Variants in KIFC3 observed in about 807,000 individuals in gnomAD.
KIFC3 encodes the protein kinesin family member C3.
A neutral mutation model predicts 101.8 loss-of-function variants in KIFC3; 60 were observed. That is an observed-to-expected ratio of 0.59 (90% CI 0.48 to 0.73). The LOEUF is 0.73. Among genes scored for constraint, KIFC3 ranks in the 30% least tolerant of loss-of-function variants. KIFC3 has a pLI of 0.00. For missense variants in KIFC3, 966 were observed against 1,137.1 expected (o/e 0.85, Z 2.16); for synonymous variants, 476 against 482.7 (o/e 0.99, Z 0.18).
chr16:57,772,196 T>A (rs1270539704), intron 4 of KIFC3, 27 bp downstream of exon 4: 9 of 1,607,950 alleles, frequency 5.6e-6, no homozygotes, highest in Non-Finnish European at 7.6e-6. Context: ...GGCCCTGCGC[T>A]ACCCCAGGAC....
intron 1 of KIFC3, among the ~76,000 whole-genome samples, chr16:57,823,336 A>G (rs1399928181): frequency 1.3e-5 from 2 of 152,136 alleles, no homozygotes; most frequent in East Asian, 1.9e-4. Context: ...CGTAAATCTT[A>G]TATGTATGGA....
intron 1 of KIFC3, among the ~76,000 whole-genome samples, chr16:57,835,913 G>A (rs1881304798): frequency 1.3e-5 from 2 of 152,160 alleles, no homozygotes; most frequent in African/African-American, 4.8e-5. Context: ...TTGTGCCACT[G>A]CACTCTAGCC....
At chr16:57,764,632 C>T (rs534156255) in intron 11 of KIFC3, among the ~76,000 whole-genome samples, 3 of 152,320 alleles carry the variant, frequency 2.0e-5, no homozygotes, top group African/African-American at 7.2e-5. Context: ...CAGGAGGGCA[C>T]AGGCCTGGCA....
chr16:57,810,680 A>G, intron 1 of KIFC3: 1 of 985,518 alleles, frequency 1.0e-6, no homozygotes, highest in Non-Finnish European at 1.2e-6. Context: ...ATCTAATTCA[A>G]CTTCAGCAAT....
chr16:57,772,157 G>T, intron 4 of KIFC3, 66 bp downstream of exon 4: 1 of 1,418,068 alleles, frequency 7.1e-7, no homozygotes, highest in Non-Finnish European at 9.8e-7. Flanking sequence ...CCCTGCCCCT[G>T]GCAGGGCCCA....
intron 12 of KIFC3, 74 bp from the exon 13 acceptor site, chr16:57,762,344 G>GC: frequency 7.3e-7 from 1 of 1,376,446 alleles, no homozygotes; most frequent in South Asian, 1.6e-5. Flanking sequence ...TGTCCCCAAA[G>GC]CCCCTTGACT....
chr16:57,797,488 G>T (rs1555623507), intron 2 of KIFC3, among the ~76,000 whole-genome samples: 5 of 152,242 alleles, frequency 3.3e-5, no homozygotes. Context: ...GGCACTGACA[G>T]CTCCCCGGGG....
chr16:57,798,342 G>T, intron 1 of KIFC3, 60 bp from the exon 2 acceptor site: 3 of 1,453,176 alleles, frequency 2.1e-6, no homozygotes, highest in Non-Finnish European at 1.9e-6. Flanking sequence ...ACTGCACCTC[G>T]GGCAGAGCCA....
chr16:57,782,124 G>A, intron 3 of KIFC3: 1 of 985,444 alleles, frequency 1.0e-6, no homozygotes, highest in Non-Finnish European at 1.2e-6. Flanking sequence ...AGGAGACCAG[G>A]GCACACGGGA....
At chr16:57,857,826 T>TTCC (rs1386802496) in intron 1 of KIFC3, among the ~76,000 whole-genome samples, 1 of 56,086 alleles carries the variant, frequency 1.8e-5, no homozygotes, top group Non-Finnish European at 3.0e-5. Flanking sequence ...TTCTTTCTTT[T>TTCC]TTTTTTTTTT....
chr16:57,779,253 A>G (rs1441443350), intron 3 of KIFC3: 1 of 152,232 alleles, frequency 6.6e-6, no homozygotes, highest in African/African-American at 2.4e-5. Flanking sequence ...ACTCAGCCTT[A>G]AAAAGGAAGA....
At chr16:57,852,553 A>G (rs1467792064) in intron 1 of KIFC3, among the ~76,000 whole-genome samples, 5 of 152,092 alleles carry the variant, frequency 3.3e-5, no homozygotes, top group African/African-American at 4.8e-5. Context: ...CCTTTCGTCT[A>G]CTGTTTTTCC....
chr16:57,822,477 G>A (rs1425135271), intron 1 of KIFC3, among the ~76,000 whole-genome samples: 5 of 152,102 alleles, frequency 3.3e-5, no homozygotes, highest in East Asian at 1.9e-4. Flanking sequence ...TGAGGCAGGC[G>A]GCTCACTTGA....
intron 3 of KIFC3, chr16:57,790,981 C>A (rs1598107708): frequency 1.0e-6 from 1 of 965,736 alleles, no homozygotes; most frequent in Non-Finnish European, 1.2e-6. Flanking sequence ...CACCTGTAAT[C>A]CCAGCACTTT....
intron 3 of KIFC3, among the ~76,000 whole-genome samples, chr16:57,790,751 G>A (rs2053803823): frequency 6.6e-6 from 1 of 152,214 alleles, no homozygotes; most frequent in African/African-American, 2.4e-5. Context: ...ATATGAGGTA[G>A]CTATTATCAG....
chr16:57,860,059 A>G (rs1385407222), intron 1 of KIFC3, among the ~76,000 whole-genome samples: 1 of 129,734 alleles, frequency 7.7e-6, no homozygotes, highest in African/African-American at 2.7e-5. Context: ...AAATAAAATA[A>G]AATAAAATAA....
intron 3 of KIFC3, chr16:57,775,265 C>T: frequency 7.7e-7 from 1 of 1,294,358 alleles, no homozygotes; most frequent in Non-Finnish European, 9.8e-7. Flanking sequence ...CTAAAGGCCC[C>T]TTTGTTCAGA....
intron 1 of KIFC3, among the ~76,000 whole-genome samples, chr16:57,823,761 T>TTGTGTGTGTG (rs542476459): frequency 0.073 from 9,918 of 136,516 alleles, 432 homozygotes; most frequent in East Asian, 0.14. Flanking sequence ...CCCGGCTACT[T>TTGTGTGTGTG]TGTGTGTGTG....
At chr16:57,837,586 G>A (rs968435025) in intron 1 of KIFC3, among the ~76,000 whole-genome samples, 3 of 22,456 alleles carry the variant, frequency 1.3e-4, no homozygotes, top group Non-Finnish European at 3.8e-4. Flanking sequence ...AGAAAGAGTA[G>A]CAGTAAACAT....
Sources: gnomAD v4.1 joint callset for allele counts (sites outside exome capture counted in the v4.1 genomes callset) on GRCh38, gnomAD v4.1.1 for gene constraint, MANE v1.5 for transcripts, NCBI Gene and HGNC (gene_info 2026-07-23, HGNC 2026-07-21) for gene names.